Variants in ARB2A observed in about 807,000 individuals in gnomAD.
ARB2A encodes the protein ARB2 cotranscriptional regulator A, also known as cotranscriptional regulator ARB2A.
chr5:93,749,325 C>T, the ARB2A span, among the ~76,000 whole-genome samples: 3 of 152,148 alleles, frequency 2.0e-5, no homozygotes, highest in African/African-American at 7.2e-5. Context: ...GTTATTCACA[C>T]AGAGATCTGT....
the ARB2A span, among the ~76,000 whole-genome samples, chr5:93,690,226 G>A: frequency 1.3e-5 from 2 of 152,150 alleles, no homozygotes; most frequent in African/African-American, 4.8e-5. Flanking sequence ...CCTGGAAAAG[G>A]GGCTGAAGCC....
chr5:93,874,133 A>G, the ARB2A span, among the ~76,000 whole-genome samples: 141,791 of 152,266 alleles, frequency 0.93, 66,137 homozygotes, highest in East Asian at 1. Flanking sequence ...TCCAAACTGC[A>G]GAGTGTAGCA....
chr5:93,895,767 A>G, the ARB2A span, among the ~76,000 whole-genome samples: 58 of 152,204 alleles, frequency 3.8e-4, no homozygotes, highest in Non-Finnish European at 6.6e-4. Context: ...TTCTCTCTCT[A>G]TGAAATATGG....
the ARB2A span, among the ~76,000 whole-genome samples, chr5:93,849,105 T>A: frequency 8.5e-5 from 13 of 152,298 alleles, no homozygotes; most frequent in African/African-American, 2.9e-4. Flanking sequence ...TTTCTTCCAC[T>A]GACCTTCTAT....
the ARB2A span, among the ~76,000 whole-genome samples, chr5:94,066,662 A>G: frequency 1.3e-5 from 2 of 152,214 alleles, no homozygotes; most frequent in East Asian, 3.8e-4. Flanking sequence ...TGAACAGACC[A>G]GTTGTGAGTA....
At chr5:93,661,495 G>A in the ARB2A span, among the ~76,000 whole-genome samples, 1 of 152,124 alleles carries the variant, frequency 6.6e-6, no homozygotes, top group Non-Finnish European at 1.5e-5. Context: ...ATGCACAGCT[G>A]TTGAAACCAG....
At chr5:94,003,731 G>T in the ARB2A span, among the ~76,000 whole-genome samples, 1 of 152,028 alleles carries the variant, frequency 6.6e-6, no homozygotes, top group African/African-American at 2.4e-5. Context: ...AAGACATACC[G>T]TGTTCATGGA....
the ARB2A span, among the ~76,000 whole-genome samples, chr5:93,994,764 G>C: frequency 6.6e-6 from 1 of 152,010 alleles, no homozygotes; most frequent in Admixed American, 6.6e-5. Context: ...AAATTAGCCA[G>C]GTGTGGTGGC....
At chr5:93,666,503 C>CTTTTTT in the ARB2A span, among the ~76,000 whole-genome samples, 1 of 139,534 alleles carries the variant, frequency 7.2e-6, no homozygotes. Context: ...GTGCTATATC[C>CTTTTTT]TTTTTTTTTT....
chr5:94,003,083 A>G, the ARB2A span, among the ~76,000 whole-genome samples: 1 of 152,222 alleles, frequency 6.6e-6, no homozygotes, highest in African/African-American at 2.4e-5. Context: ...GTTCAAAATT[A>G]ATAACCATAT....
At chr5:93,939,090 T>A in the ARB2A span, among the ~76,000 whole-genome samples, 1 of 152,214 alleles carries the variant, frequency 6.6e-6, no homozygotes, top group Non-Finnish European at 1.5e-5. Flanking sequence ...AAAAGATAAT[T>A]TTATTCAAAT....
the ARB2A span, among the ~76,000 whole-genome samples, chr5:93,759,915 G>T: frequency 1.2e-4 from 18 of 152,222 alleles, no homozygotes; most frequent in Admixed American, 6.5e-4. Flanking sequence ...ATAAGAGAAA[G>T]AAATAAAGGA....
At chr5:93,685,776 C>A in the ARB2A span, among the ~76,000 whole-genome samples, 1 of 152,134 alleles carries the variant, frequency 6.6e-6, no homozygotes, top group African/African-American at 2.4e-5. Flanking sequence ...CTATTTTCTT[C>A]TCTCCTTCCT....
chr5:93,976,279 G>A, the ARB2A span, among the ~76,000 whole-genome samples: 4 of 151,976 alleles, frequency 2.6e-5, no homozygotes, highest in Admixed American at 6.6e-5. Flanking sequence ...AAAATAATAA[G>A]AGTCATCTAT....
chr5:93,741,566 G>C, the ARB2A span: 1 of 1,537,342 alleles, frequency 6.5e-7, no homozygotes, highest in Non-Finnish European at 8.7e-7. Context: ...CCGGCCATGG[G>C]TGGAATGGCA....
At chr5:93,742,295 A>G in the ARB2A span, among the ~76,000 whole-genome samples, 1 of 151,994 alleles carries the variant, frequency 6.6e-6, no homozygotes, top group Admixed American at 6.5e-5. Flanking sequence ...TCCTCAACCA[A>G]CAGAGATCTA....
At chr5:94,006,461 A>G in the ARB2A span, among the ~76,000 whole-genome samples, 2 of 152,206 alleles carry the variant, frequency 1.3e-5, no homozygotes. Flanking sequence ...CGTCTTGATT[A>G]TATCAATTTC....
the ARB2A span, among the ~76,000 whole-genome samples, chr5:94,016,749 A>G: frequency 6.6e-6 from 1 of 152,224 alleles, no homozygotes; most frequent in Non-Finnish European, 1.5e-5. Context: ...TCTAGAAGCC[A>G]TATCAGATAT....
chr5:93,861,437 C>G, the ARB2A span: 1 of 151,970 alleles, frequency 6.6e-6, no homozygotes, highest in African/African-American at 2.4e-5. Flanking sequence ...CTTCTGCCCC[C>G]ACTCCAGGTA....
Sources: gnomAD v4.1 joint callset for allele counts (sites outside exome capture counted in the v4.1 genomes callset) on GRCh38, gnomAD v4.1.1 for gene constraint, MANE v1.5 for transcripts, NCBI Gene and HGNC (gene_info 2026-07-23, HGNC 2026-07-21) for gene names.